Variants in NBAS observed in about 807,000 individuals in gnomAD.
NBAS encodes NAG/BC035112 fusion.
NBAS carries 219 observed loss-of-function variants against 302.5 expected under a neutral mutation model. That is an observed-to-expected ratio of 0.72 (90% confidence interval 0.65 to 0.81). NBAS has a LOEUF of 0.81. Among genes scored for constraint, NBAS ranks in the 30% least tolerant of loss-of-function variants. NBAS has a pLI of 0.00. For missense variants in NBAS, 2,932 were observed against 2,841.6 expected (o/e 1.03, Z -0.72); for synonymous variants, 1,118 against 1,021.6 (o/e 1.09, Z -1.80).
At chr2:15,340,621 T>A (rs531035855) in intron 35 of NBAS, among the ~76,000 whole-genome samples, 5 of 152,114 alleles carry the variant, frequency 3.3e-5, no homozygotes, top group Admixed American at 6.5e-5. Flanking sequence ...CAGCACAAAG[T>A]CGATTATTTC....
chr2:14,848,310 G>A, the NBAS span, among the ~76,000 whole-genome samples: 1 of 139,538 alleles, frequency 7.2e-6, no homozygotes, highest in Non-Finnish European at 1.5e-5. Context: ...TCAAAGAAAG[G>A]GGTGACGGAC....
downstream of NBAS, among the ~76,000 whole-genome samples, chr2:15,164,868 T>C (rs79262347): frequency 1.9e-4 from 29 of 152,280 alleles, 1 homozygote; most frequent in East Asian, 3.7e-3. Flanking sequence ...CTCAAACCTT[T>C]TAAATTTGGT....
the NBAS span, among the ~76,000 whole-genome samples, chr2:14,791,803 C>CATAAATAAATAAATAA: frequency 1.2e-3 from 172 of 139,248 alleles, no homozygotes; most frequent in Admixed American, 1.6e-3. Flanking sequence ...GACTCCATCT[C>CATAAATAAATAAATAA]ATAAATAAAT....
At chr2:15,100,649 A>G in the NBAS span, among the ~76,000 whole-genome samples, 2 of 152,212 alleles carry the variant, frequency 1.3e-5, no homozygotes, top group Non-Finnish European at 2.9e-5. Context: ...TTCTAAAATG[A>G]CAAGTAGTCC....
chr2:15,011,290 G>C, the NBAS span, among the ~76,000 whole-genome samples: 1 of 152,082 alleles, frequency 6.6e-6, no homozygotes, highest in Non-Finnish European at 1.5e-5. Context: ...GAGTGAGCCA[G>C]AACTCTGGTA....
At chr2:14,894,370 T>C in the NBAS span, among the ~76,000 whole-genome samples, 3 of 152,122 alleles carry the variant, frequency 2.0e-5, no homozygotes, top group African/African-American at 4.8e-5. Context: ...GAGGATGTTT[T>C]TAATAACAAA....
At chr2:15,017,929 G>C in the NBAS span, among the ~76,000 whole-genome samples, 3 of 151,946 alleles carry the variant, frequency 2.0e-5, no homozygotes, top group Non-Finnish European at 2.9e-5. Context: ...AGAAAATGTG[G>C]TATATATACA....
chr2:15,208,513 G>A (rs564610026), intron 48 of NBAS, among the ~76,000 whole-genome samples: 56 of 152,210 alleles, frequency 3.7e-4, no homozygotes, highest in East Asian at 1.2e-3. Context: ...GAAAATCAAC[G>A]AAGAAACATT....
intron 42 of NBAS, among the ~76,000 whole-genome samples, chr2:15,283,122 C>T (rs1333396780): frequency 6.6e-6 from 1 of 152,082 alleles, no homozygotes; most frequent in Non-Finnish European, 1.5e-5. Flanking sequence ...CAGCACTTAA[C>T]ACTATGCTGG....
At chr2:14,977,332 CA>C in the NBAS span, among the ~76,000 whole-genome samples, 3 of 151,512 alleles carry the variant, frequency 2.0e-5, no homozygotes, top group South Asian at 2.1e-4. Context: ...AATCTTAGCA[CA>C]AAAAAAGTAA....
intron 28 of NBAS, among the ~76,000 whole-genome samples, chr2:15,386,483 G>T (rs1027977793): frequency 6.6e-6 from 1 of 152,118 alleles, no homozygotes; most frequent in African/African-American, 2.4e-5. Flanking sequence ...ACTCCTTCAG[G>T]ATTAGTGCTT....
intron 38 of NBAS, among the ~76,000 whole-genome samples, chr2:15,322,336 A>G (rs1401775338): frequency 2.0e-5 from 3 of 152,158 alleles, no homozygotes. Context: ...ATGCATACAT[A>G]TGTAACAAAC....
At chr2:15,189,540 A>G (rs563501421) in intron 49 of NBAS, among the ~76,000 whole-genome samples, 29 of 148,002 alleles carry the variant, frequency 2.0e-4, no homozygotes, top group Non-Finnish European at 3.8e-4. Context: ...TCATTTGCCA[A>G]TGAGAAGCCA....
At chr2:15,062,806 G>GAAATGTGAACAATATGTAAGCTAC in the NBAS span, among the ~76,000 whole-genome samples, 3 of 152,186 alleles carry the variant, frequency 2.0e-5, no homozygotes, top group African/African-American at 4.8e-5. Context: ...CATGGAACTT[G>GAAATGTGAACAATATGTAAGCTAC]AAATGTGAAC....
chr2:15,034,280 GAAA>G, the NBAS span, among the ~76,000 whole-genome samples: 1 of 100,138 alleles, frequency 1.0e-5, no homozygotes, highest in Non-Finnish European at 2.1e-5. Context: ...AAGAAAGAGA[GAAA>G]GAAAGAAAGA....
At chr2:15,398,357 C>A (rs554604993) in intron 26 of NBAS, among the ~76,000 whole-genome samples, 1 of 152,242 alleles carries the variant, frequency 6.6e-6, no homozygotes, top group South Asian at 2.1e-4. Flanking sequence ...GTTCCCCAGA[C>A]TGGTCTCAAC....
intron 44 of NBAS, among the ~76,000 whole-genome samples, chr2:15,269,862 T>G (rs564202649): frequency 1.3e-5 from 2 of 152,346 alleles, no homozygotes; most frequent in African/African-American, 4.8e-5. Flanking sequence ...TATCACATGT[T>G]GAGTTTCAGT....
the NBAS span, among the ~76,000 whole-genome samples, chr2:14,990,603 C>T: frequency 5.9e-5 from 9 of 152,190 alleles, no homozygotes; most frequent in Admixed American, 1.3e-4. Context: ...AACATCTCTC[C>T]AATGCAGATA....
the NBAS span, among the ~76,000 whole-genome samples, chr2:14,830,771 C>T: frequency 1.3e-5 from 2 of 152,162 alleles, no homozygotes; most frequent in Non-Finnish European, 2.9e-5. Context: ...TTTGTGCCTG[C>T]TTGTTGAGCA....
Sources: gnomAD v4.1 joint callset for allele counts (sites outside exome capture counted in the v4.1 genomes callset) on GRCh38, gnomAD v4.1.1 for gene constraint, MANE v1.5 for transcripts, NCBI Gene and HGNC (gene_info 2026-07-23, HGNC 2026-07-21) for gene names.